DAB1: variants seen among roughly 807,000 people sequenced by gnomAD.
DAB1 encodes disabled homolog 1.
Under a neutral mutation model 64.6 loss-of-function variants are expected in DAB1, and 15 were observed. The ratio of observed to expected loss-of-function variants is 0.23; its 90% CI spans 0.16 to 0.36. The LOEUF (loss-of-function observed/expected upper bound fraction) is 0.36, where lower values mean the gene tolerates loss of function less well. Ranked by LOEUF, DAB1 falls within the 10% of genes least tolerant of loss-of-function variation. DAB1 has a pLI of 1.00. For missense variants in DAB1, 596 were observed against 706.7 expected (o/e 0.84, Z 1.78); for synonymous variants, 235 against 251.9 (o/e 0.93, Z 0.64).
intron 5 of DAB1, among the ~76,000 whole-genome samples, chr1:57,980,372 T>A (rs1361178526): frequency 7.2e-5 from 11 of 152,076 alleles, no homozygotes; most frequent in Admixed American, 5.9e-4. Flanking sequence ...ATCCCCCACT[T>A]TTCCCAAGCA....
At position 56,995,249 on chromosome 1, in the gene DAB1, C is replaced by T. The variant is rs899977507; in HGVS notation, c.*2895G>A. On this transcript the variant is annotated 3_prime_UTR_variant, in exon 15 of 15. Coordinates refer to ENST00000371236, the MANE Select transcript of DAB1 (RefSeq NM_001365792.1). ...GTGCTAGTGGAGGATGAGGAATTAA[C>T]AGTTGTACACATGGATTTTCTATTG... 2.0e-5 allele frequency: 3 copies of T among 152,198 alleles called. No homozygotes were observed. The highest frequency in any genetic ancestry group is 4.4e-5 in the Non-Finnish European group (3 of 68,038). The allele number at this position is 152,198 out of a possible 1,614,324, so 9.4% of individuals were successfully genotyped here.
At position 57,322,390 on chromosome 1, in the gene DAB1, CCT is replaced by C. The variant is rs1312901486; in HGVS notation, c.-136-31226_-136-31225del. On this transcript the variant is annotated intron_variant, in intron 1 of 14. Coordinates refer to ENST00000371236, the MANE Select transcript of DAB1 (RefSeq NM_001365792.1). ...GCTCAAAGTGAATCAACCCTGTAAG[CCT>C]CTCTCTTCCTATTAAAAGAGATCAA... Among the ~76,000 whole-genome samples the C allele has an allele frequency of 3.9e-5, 6 of 152,228 alleles. No homozygotes were observed. The East Asian group carries it at 1.2e-3, about 30-fold the overall frequency.
intron 5 of DAB1, among the ~76,000 whole-genome samples, chr1:57,939,367 T>C (rs1231455921): frequency 1.3e-5 from 2 of 152,208 alleles, no homozygotes; most frequent in Non-Finnish European, 2.9e-5. Context: ...GGATAAACAT[T>C]CATTCCTTTC....
intron 6 of DAB1, among the ~76,000 whole-genome samples, chr1:57,736,402 CAT>C (rs1456553926): frequency 3.3e-5 from 5 of 152,244 alleles, no homozygotes; most frequent in Admixed American, 2.0e-4. Flanking sequence ...ATATCTGGCT[CAT>C]TGTCAGGAAG....
intron 7 of DAB1, among the ~76,000 whole-genome samples, chr1:57,491,106 A>G (rs1644157281): frequency 6.6e-6 from 1 of 152,186 alleles, no homozygotes; most frequent in Non-Finnish European, 1.5e-5. Context: ...ACTGAGCCTC[A>G]GTTACCTTTT....
chr1:58,177,838 A>T (rs1656573027), intron 4 of DAB1, among the ~76,000 whole-genome samples: 1 of 152,220 alleles, frequency 6.6e-6, no homozygotes, highest in Non-Finnish European at 1.5e-5. Flanking sequence ...TTGGTGACCC[A>T]AGAATTAAAT....
At chr1:58,435,538 T>C (rs928320720) in intron 3 of DAB1, among the ~76,000 whole-genome samples, 23 of 152,162 alleles carry the variant, frequency 1.5e-4, no homozygotes, top group African/African-American at 5.3e-4. Flanking sequence ...GATTTCATGT[T>C]CACCAGTAAA....
At chr1:57,113,882 C>T (rs577605148) in intron 4 of DAB1, among the ~76,000 whole-genome samples, 4 of 152,160 alleles carry the variant, frequency 2.6e-5, no homozygotes, top group Non-Finnish European at 4.4e-5. Context: ...CTCGTAAATA[C>T]TCATAAATAC....
At chr1:57,862,190 C>T (rs983296876) in intron 1 of DAB1, among the ~76,000 whole-genome samples, 3 of 152,284 alleles carry the variant, frequency 2.0e-5, no homozygotes, top group African/African-American at 2.4e-5. Context: ...AATTTATTCA[C>T]TATTATTCAT....
chr1:57,665,458 T>A lies in DAB1; in HGVS notation n.552-15793A>T, dbSNP rs918379531. 3.6e-4 allele frequency among the ~76,000 whole-genome samples: 55 copies of A among 152,264 alleles called. 1 individual carries two copies. Among genetic ancestry groups the A allele is most frequent in the Admixed American group, 3.3e-3 (51 of 15,296 alleles). Reference sequence around the variant, plus strand: ...AGCAATGTGTATCAACAGCCCTAAATAAGTATTTGCAACTGTTGACTGACT... The same window carrying A: ...AGCAATGTGTATCAACAGCCCTAAAAAAGTATTTGCAACTGTTGACTGACT... On this transcript the variant is annotated intron_variant and non_coding_transcript_variant, in intron 6 of 20. Transcript: ENST00000485760.
chr1:57,731,943 A>C (rs1647447498), intron 6 of DAB1, among the ~76,000 whole-genome samples: 14 of 152,166 alleles, frequency 9.2e-5, no homozygotes, highest in Admixed American at 9.2e-4. Context: ...AATAATATGC[A>C]TCCGAGCAAG....
chr1:57,076,817 C>A (rs1273659581), intron 4 of DAB1, among the ~76,000 whole-genome samples: 1 of 152,194 alleles, frequency 6.6e-6, no homozygotes, highest in Non-Finnish European at 1.5e-5. Flanking sequence ...TTATATTTGT[C>A]CTTCTACACA....
chr1:58,418,440 G>A (rs1049916883), intron 3 of DAB1, among the ~76,000 whole-genome samples: 3 of 152,066 alleles, frequency 2.0e-5, no homozygotes, highest in East Asian at 1.9e-4. Flanking sequence ...TGGCAGGAAG[G>A]ACCCAGGAGA....
chr1:57,082,815 A>G (rs375845469), intron 4 of DAB1, among the ~76,000 whole-genome samples: 3 of 152,248 alleles, frequency 2.0e-5, no homozygotes, highest in East Asian at 3.9e-4. Flanking sequence ...TGCCGAGGAT[A>G]ACAGCTTCCA....
intron 6 of DAB1, among the ~76,000 whole-genome samples, chr1:57,680,580 T>A (rs1318631768): frequency 6.6e-6 from 1 of 152,216 alleles, no homozygotes; most frequent in East Asian, 1.9e-4. Context: ...ATCACTCCAA[T>A]GATTTGTTTT....
chr1:57,022,727 C>T (rs1004485425), intron 11 of DAB1, among the ~76,000 whole-genome samples: 1 of 152,186 alleles, frequency 6.6e-6, no homozygotes, highest in African/African-American at 2.4e-5. Context: ...AGAATAAAGG[C>T]AAGAAAGATA....
chr1:57,216,028 GAATT>G (rs1177066211), intron 2 of DAB1, among the ~76,000 whole-genome samples: 1 of 152,164 alleles, frequency 6.6e-6, no homozygotes, highest in Non-Finnish European at 1.5e-5. Flanking sequence ...GAACTAATCA[GAATT>G]AATTCTGGAA....
At chr1:57,636,861 A>C (rs1172123193) in intron 7 of DAB1, among the ~76,000 whole-genome samples, 2 of 152,194 alleles carry the variant, frequency 1.3e-5, no homozygotes, top group African/African-American at 4.8e-5. Flanking sequence ...ATGGAGTTCT[A>C]AGTTCAGGGA....
At chr1:57,207,690 C>T (rs192108086) in intron 2 of DAB1, among the ~76,000 whole-genome samples, 2 of 151,686 alleles carry the variant, frequency 1.3e-5, no homozygotes, top group Admixed American at 1.3e-4. Flanking sequence ...GTGATCCGCC[C>T]GCCTCGGCCT....
Sources: allele counts gnomAD v4.1 joint callset (sites outside exome capture counted in the v4.1 genomes callset), GRCh38; gene constraint gnomAD v4.1.1; transcripts MANE v1.5; gene names NCBI Gene and HGNC (gene_info 2026-07-23, HGNC 2026-07-21).